Variants in RUFY3 observed in about 807,000 individuals in gnomAD.
RUFY3 encodes the protein RUN and FYVE domain containing 3, also known as protein RUFY3.
In RUFY3, 34 loss-of-function variants were observed where a neutral mutation model predicts 84.0. The ratio of observed to expected loss-of-function variants is 0.40; its 90% CI spans 0.31 to 0.54. The LOEUF (loss-of-function observed/expected upper bound fraction) is 0.54, where lower values mean the gene tolerates loss of function less well. Among genes scored for constraint, RUFY3 ranks in the 20% least tolerant of loss-of-function variants. RUFY3 has a pLI of 0.39. For synonymous variants in RUFY3, 242 were observed against 252.9 expected (o/e 0.96, Z 0.41); for missense variants, 507 against 736.8 (o/e 0.69, Z 3.61).
rs1325181305 is a variant in RUFY3, at chr4:70,722,480, G to GT, written c.-87dup. 2.0e-5 allele frequency: 29 copies of GT among 1,446,572 alleles called. No homozygotes were observed. The highest frequency in any genetic ancestry group is 1.6e-4 in the South Asian group (10 of 61,488). 89.6% of individuals were successfully genotyped at this position (1,446,572 alleles called of 1,614,324 possible). The stretch of plus-strand genomic sequence containing the variant: ...GCTTTGTTTCAGAGCTTTGTATTGG[G>GT]TTTTTTTGGTGAGGAGGTTGTATTT... On this transcript the variant is annotated 5_prime_UTR_variant, in exon 1 of 18. Coordinates refer to ENST00000381006, the MANE Select transcript of RUFY3 (RefSeq NM_001037442.4).
chr4:70,720,888 CGTGTGTGTGTGTGTGTGTGTGTGTGT>C (rs71210198), upstream of RUFY3, among the ~76,000 whole-genome samples: 9 of 138,558 alleles, frequency 6.5e-5, no homozygotes, highest in African/African-American at 2.1e-4. Context: ...AATATAGGGC[CGTGTGTGTGTGTGTGTGTGTGTGTGT>C]GTGTGTGTGT....
chr4:70,741,261 A>T (rs923300765), intron 1 of RUFY3, among the ~76,000 whole-genome samples: 1 of 152,068 alleles, frequency 6.6e-6, no homozygotes, highest in Non-Finnish European at 1.5e-5. Flanking sequence ...CCCTGAAGTG[A>T]TCAAAATAAT....
chr4:70,757,760 T>C (rs1724278847), intron 1 of RUFY3, among the ~76,000 whole-genome samples: 1 of 152,236 alleles, frequency 6.6e-6, no homozygotes, highest in Admixed American at 6.5e-5. Context: ...CGATAAATAG[T>C]AAGCACTTTG....
chr4:70,764,198 T>C (rs1304857381), intron 3 of RUFY3, among the ~76,000 whole-genome samples: 2 of 152,242 alleles, frequency 1.3e-5, no homozygotes, highest in East Asian at 1.9e-4. Flanking sequence ...TTTGCTATTA[T>C]TGATCTGATG....
At chr4:70,752,214 G>A (rs542199028) in intron 1 of RUFY3, among the ~76,000 whole-genome samples, 8 of 151,982 alleles carry the variant, frequency 5.3e-5, no homozygotes, top group East Asian at 1.9e-4. Context: ...TTTCTTTTTC[G>A]AATTGTTTGT....
At position 70,775,688 on chromosome 4, in the gene RUFY3, G is replaced by A. The variant is rs142897836; in HGVS notation, c.824+455G>A. ...GTCCAGGTGTGCTGGGCCAAAGCCT[G>A]TAGTCCCAACACTTTGGGAGGCCAA... On this transcript the variant is annotated intron_variant, in intron 7 of 17. Coordinates refer to ENST00000381006, the MANE Select transcript of RUFY3 (RefSeq NM_001037442.4). Among the ~76,000 whole-genome samples, 83 of 152,158 alleles carry A rather than the reference G, an allele frequency of 5.5e-4. 2 individuals are homozygous for A. In the East Asian group the frequency reaches 0.015, roughly 28 times the overall value.
chr4:70,769,022 G>A (rs927022037), intron 5 of RUFY3, among the ~76,000 whole-genome samples: 6 of 152,070 alleles, frequency 3.9e-5, no homozygotes, highest in Admixed American at 3.9e-4. Flanking sequence ...AATAAAGCAA[G>A]TCACATGCAT....
chr4:70,801,786 C>G (rs1426261720), intron 15 of RUFY3, among the ~76,000 whole-genome samples: 1 of 152,154 alleles, frequency 6.6e-6, no homozygotes, highest in East Asian at 1.9e-4. Flanking sequence ...AAACTATCAC[C>G]CATCTCACAT....
At chr4:70,739,138 T>C (rs181792772) in intron 1 of RUFY3, among the ~76,000 whole-genome samples, 129 of 152,190 alleles carry the variant, frequency 8.5e-4, no homozygotes, top group Non-Finnish European at 1.6e-3. Context: ...CCCAAATTAC[T>C]GGTTTATTAG....
At chr4:70,746,323 G>A (rs1406985639) in intron 1 of RUFY3, among the ~76,000 whole-genome samples, 1 of 149,756 alleles carries the variant, frequency 6.7e-6, no homozygotes, top group Non-Finnish European at 1.5e-5. Context: ...AAGCCTGGTT[G>A]ACAGAGCAAG....
At chr4:70,787,619 G>A (rs1730120258) in intron 10 of RUFY3, among the ~76,000 whole-genome samples, 1 of 152,022 alleles carries the variant, frequency 6.6e-6, no homozygotes, top group South Asian at 2.1e-4. Flanking sequence ...AAAATAGTTA[G>A]CATTTGCCTT....
chr4:70,775,908 C>T (rs1417323827), intron 7 of RUFY3, among the ~76,000 whole-genome samples: 1 of 144,832 alleles, frequency 6.9e-6, no homozygotes, highest in African/African-American at 2.7e-5. Context: ...GCCATTACAC[C>T]CCACCCTGGG....
chr4:70,777,997 C>T (rs989805394), intron 7 of RUFY3, among the ~76,000 whole-genome samples: 4 of 151,972 alleles, frequency 2.6e-5, no homozygotes, highest in African/African-American at 9.7e-5. Flanking sequence ...TCTGGGAGGC[C>T]GAGGCAGGTG....
At chr4:70,767,713 C>T (rs138334001) in intron 4 of RUFY3, among the ~76,000 whole-genome samples, 1,826 of 151,496 alleles carry the variant, frequency 0.012, 29 homozygotes, top group African/African-American at 0.042. Context: ...GAGTGTTGCT[C>T]TGTCACCCAG....
intron 1 of RUFY3, among the ~76,000 whole-genome samples, chr4:70,712,362 G>A (rs10023490): frequency 0.071 from 10,776 of 152,156 alleles, 1,026 homozygotes; most frequent in African/African-American, 0.22. Context: ...CCTTCAAAGC[G>A]CATGTTCTTA....
chr4:70,791,317 G>T (rs112676106), intron 12 of RUFY3: 1 of 1,612,284 alleles, frequency 6.2e-7, no homozygotes, highest in South Asian at 1.1e-5. Context: ...AGTTGGTCAC[G>T]TCGCAAGTCC....
chr4:70,732,861 A>G (rs1227220833), intron 1 of RUFY3, among the ~76,000 whole-genome samples: 1 of 151,976 alleles, frequency 6.6e-6, no homozygotes, highest in Non-Finnish European at 1.5e-5. Flanking sequence ...ATACCTATGT[A>G]ACAAACCTGC....
intron 4 of RUFY3, among the ~76,000 whole-genome samples, chr4:70,766,817 A>C (rs1180029453): frequency 6.6e-6 from 1 of 152,188 alleles, no homozygotes; most frequent in East Asian, 1.9e-4. Context: ...AATGATATGT[A>C]TCCATATGTC....
intron 1 of RUFY3, chr4:70,705,432 T>G: frequency 1.8e-6 from 1 of 548,798 alleles, no homozygotes; most frequent in Non-Finnish European, 2.9e-6. Context: ...CTTTAGGGGC[T>G]ACCCTCGGGA....
Sources: gnomAD v4.1 joint callset for allele counts (sites outside exome capture counted in the v4.1 genomes callset) on GRCh38, gnomAD v4.1.1 for gene constraint, MANE v1.5 for transcripts, NCBI Gene and HGNC (gene_info 2026-07-23, HGNC 2026-07-21) for gene names.